RPN1: variants seen among roughly 807,000 people sequenced by gnomAD.
The protein encoded by RPN1 is ribophorin I, also known as dolichyl-diphosphooligosaccharide--protein glycosyltransferase subunit 1.
Under a neutral mutation model 55.5 loss-of-function variants are expected in RPN1, and 12 were observed. The observed-to-expected ratio is 0.22, with a 90% confidence interval of 0.14 to 0.35. The LOEUF is 0.35. Among genes scored for constraint, RPN1 ranks in the 10% least tolerant of loss-of-function variants. The pLI, the probability that RPN1 is intolerant of heterozygous loss-of-function variation, is 1.00. For synonymous variants in RPN1, 317 were observed against 305.9 expected (o/e 1.04, Z -0.38); for missense variants, 679 against 761.3 (o/e 0.89, Z 1.27).
Position 128,625,630 on chromosome 3 carries a change from C to T in RPN1, c.1299G>A (p.Val433=). ...DIVVHYTFNK[V]LMLQEPLLVV... is the part of the protein sequence containing the mutation. ...CCAGCAGGGGCTCCTGCAGCATGAG[C>T]ACCTTGTTGAACGTGTAGTGGACCT... The change falls in exon 8 of 10, where the codon GTG becomes GTA. Residue 433 remains valine, a synonymous_variant. Transcript: ENST00000296255. 1 of 1,614,086 alleles carries T rather than the reference C, an allele frequency of 6.2e-7. No homozygotes were observed. Among genetic ancestry groups the T allele is most frequent in the Non-Finnish European group, 8.5e-7 (1 of 1,180,030 alleles).
intron 1 of RPN1, 44 bp from the exon 2 acceptor site, chr3:128,645,027 C>T (rs1418186969): frequency 8.5e-7 from 1 of 1,173,098 alleles, no homozygotes; most frequent in Non-Finnish European, 1.3e-6. Context: ...CTTTTGGCTT[C>T]TAAATTTTGA....
chr3:128,624,731 C>T (rs2069586711), intron 8 of RPN1, among the ~76,000 whole-genome samples: 1 of 150,078 alleles, frequency 6.7e-6, no homozygotes, highest in South Asian at 2.1e-4. Context: ...CCCAGCTACA[C>T]AGGAGGCTGA....
chr3:128,626,064 C>T (rs558488643), intron 6 of RPN1, 52 bp from the exon 7 acceptor site: 7 of 1,532,124 alleles, frequency 4.6e-6, no homozygotes, highest in African/African-American at 4.1e-5. Flanking sequence ...CATCAATAAA[C>T]CAGATTTAGG....
chr3:128,640,373 T>C (rs1160882144), intron 2 of RPN1, among the ~76,000 whole-genome samples: 1 of 152,168 alleles, frequency 6.6e-6, no homozygotes, highest in African/African-American at 2.4e-5. Context: ...TATGACTTTA[T>C]AGAACACAAA....
Position 128,621,765 on chromosome 3 carries a change from A to C in RPN1, c.1641+399T>G, listed in dbSNP as rs147307841. Among the ~76,000 whole-genome samples the C allele has an allele frequency of 2.5e-3, 375 of 152,336 alleles. 3 individuals carry two copies. Among genetic ancestry groups the C allele is most frequent in the African/African-American group, 8.6e-3 (358 of 41,576 alleles). On this transcript the variant is annotated intron_variant, in intron 9 of 9. Transcript: ENST00000296255. ...TATAGATGAGGAAACTGAGGCACAG[A>C]AGTTAGGTGACTTGGCCAGGTTTAC...
At chr3:128,638,711 A>C (rs559358418) in intron 2 of RPN1, among the ~76,000 whole-genome samples, 21 of 152,332 alleles carry the variant, frequency 1.4e-4, no homozygotes, top group African/African-American at 4.8e-4. Flanking sequence ...CATGCCTGTA[A>C]TCCCAGCACT....
chr3:128,639,563 T>C (rs1039418351), intron 2 of RPN1, among the ~76,000 whole-genome samples: 3 of 152,164 alleles, frequency 2.0e-5, no homozygotes, highest in African/African-American at 4.8e-5. Context: ...GTTTAGTTTG[T>C]CTTTTCCAAT....
intron 9 of RPN1, 54 bp downstream of exon 9, chr3:128,622,110 C>CA: frequency 6.3e-7 from 1 of 1,585,060 alleles, no homozygotes; most frequent in Admixed American, 1.7e-5. Flanking sequence ...CTAGACAAAG[C>CA]AGTGAGGCAT....
At chr3:128,624,700 C>A (rs371490730) in intron 8 of RPN1, among the ~76,000 whole-genome samples, 2 of 151,454 alleles carry the variant, frequency 1.3e-5, no homozygotes, top group African/African-American at 2.4e-5. Context: ...TAGAAGCACA[C>A]CCTTGGTGCG....
intron 1 of RPN1, among the ~76,000 whole-genome samples, chr3:128,647,574 C>G (rs1198388514): frequency 6.6e-6 from 1 of 151,864 alleles, no homozygotes; most frequent in East Asian, 1.9e-4. Context: ...CACATGTAGT[C>G]CTAGCTACTC....
chr3:128,621,128 GAA>G (rs1224590438), intron 9 of RPN1, among the ~76,000 whole-genome samples: 1 of 152,210 alleles, frequency 6.6e-6, no homozygotes, highest in Non-Finnish European at 1.5e-5. Flanking sequence ...CTAGGTTCCA[GAA>G]AACAGCACTA....
chr3:128,650,462 C>T (rs2069808877), intron 1 of RPN1, 78 bp downstream of exon 1: 4 of 1,394,306 alleles, frequency 2.9e-6, no homozygotes, highest in Non-Finnish European at 3.8e-6. Context: ...TAGAGGGGCG[C>T]GGGCGGAGTC....
At chr3:128,649,671 G>A (rs1045338505) in intron 1 of RPN1, among the ~76,000 whole-genome samples, 13 of 152,178 alleles carry the variant, frequency 8.5e-5, no homozygotes, top group Non-Finnish European at 1.0e-4. Context: ...CTCTGTGTAT[G>A]TACATTCCCT....
rs1576797169 is a variant in RPN1, at chr3:128,637,896, G to A, written c.536C>T (p.Ser179Phe). 4.3e-6 allele frequency: 7 copies of A among 1,614,238 alleles called. No individual in the cohort carries two copies. Among genetic ancestry groups the A allele is most frequent in the South Asian group, 1.1e-5 (1 of 91,078 alleles). The change falls in exon 3 of 10, where the codon TCT becomes TTT. Residue 179 changes from serine (S) to phenylalanine (F), a missense_variant. Physicochemically the swap from Ser to Phe is radical, Grantham distance 155. Around this residue, in one of 3 missense-constraint regions of RPN1, gnomAD observed 352 missense variants for 352.8 expected, o/e 1.00. Coordinates refer to ENST00000296255, the MANE Select transcript of RPN1 (RefSeq NM_002950.4). The stretch of plus-strand genomic sequence containing the variant: ...CTTGGTGTAGCTCTCCACATTTCGA[G>A]AGGCAAGCTTCACACGCATGGTTTG... ...KTQTMRVKLA[S>F]RNVESYTKLG...
chr3:128,643,202 C>A (rs2069740718), intron 2 of RPN1, among the ~76,000 whole-genome samples: 1 of 150,442 alleles, frequency 6.6e-6, no homozygotes. Flanking sequence ...TAGCGGACGC[C>A]TATAATCCCA....
intron 5 of RPN1, among the ~76,000 whole-genome samples, chr3:128,629,689 A>G (rs2069627707): frequency 6.6e-6 from 1 of 152,236 alleles, no homozygotes; most frequent in Non-Finnish European, 1.5e-5. Context: ...AAACTATTTA[A>G]AGGAATTTCA....
At chr3:128,633,314 C>T (rs1313307100) in intron 3 of RPN1, among the ~76,000 whole-genome samples, 1 of 151,800 alleles carries the variant, frequency 6.6e-6, no homozygotes, top group Non-Finnish European at 1.5e-5. Flanking sequence ...CAGTCTCAAC[C>T]TCCTGGGCTC....
intron 8 of RPN1, among the ~76,000 whole-genome samples, chr3:128,624,047 C>A (rs775621322): frequency 1.3e-5 from 2 of 151,996 alleles, no homozygotes; most frequent in African/African-American, 4.8e-5. Context: ...CCCCCGCCCC[C>A]CCGCATCTCC....
At chr3:128,623,507 C>T (rs1239764007) in intron 8 of RPN1, among the ~76,000 whole-genome samples, 2 of 152,058 alleles carry the variant, frequency 1.3e-5, no homozygotes, top group Admixed American at 6.6e-5. Flanking sequence ...CACTGCACTC[C>T]AGCCTGGGTA....
Sources: gnomAD v4.1 joint callset for allele counts (sites outside exome capture counted in the v4.1 genomes callset) on GRCh38, gnomAD v4.1.1 for gene constraint, gnomAD v4.1.1 regional missense constraint, MANE v1.5 for transcripts, NCBI Gene and HGNC (gene_info 2026-07-23, HGNC 2026-07-21) for gene names.